RORA: variants seen among roughly 807,000 people sequenced by gnomAD.
RORA encodes the protein nuclear receptor ROR-alpha.
In RORA, 7 loss-of-function variants were observed where a neutral mutation model predicts 69.5. The ratio of observed to expected loss-of-function variants is 0.10; its 90% CI spans 0.06 to 0.19. The LOEUF (loss-of-function observed/expected upper bound fraction) is 0.19, where lower values mean the gene tolerates loss of function less well. RORA is among the 10% of genes least tolerant of loss of function. The pLI, the probability that RORA is intolerant of heterozygous loss-of-function variation, is 1.00. For missense variants in RORA, 457 were observed against 663.0 expected (o/e 0.69, Z 3.41); for synonymous variants, 261 against 240.8 (o/e 1.08, Z -0.78).
intron 1 of RORA, among the ~76,000 whole-genome samples, chr15:61,222,039 G>C (rs1391632071): frequency 6.6e-6 from 1 of 151,908 alleles, no homozygotes; most frequent in African/African-American, 2.4e-5. Flanking sequence ...TCTAGGCTAG[G>C]AGATTATAAA....
intron 1 of RORA, among the ~76,000 whole-genome samples, chr15:61,030,904 T>C (rs966484870): frequency 6.6e-6 from 1 of 152,178 alleles, no homozygotes; most frequent in African/African-American, 2.4e-5. Flanking sequence ...CACAAAACTA[T>C]GAAAGTCAGT....
intron 1 of RORA, among the ~76,000 whole-genome samples, chr15:60,846,745 T>A (rs1369363555): frequency 6.6e-6 from 1 of 152,224 alleles, no homozygotes; most frequent in Non-Finnish European, 1.5e-5. Flanking sequence ...CCAGCCCATC[T>A]CCTAAAAGCT....
intron 1 of RORA, among the ~76,000 whole-genome samples, chr15:60,863,862 A>G (rs1002988744): frequency 6.7e-6 from 1 of 149,970 alleles, no homozygotes; most frequent in African/African-American, 2.5e-5. Context: ...GCTGGAGTGC[A>G]GTGGCACCAT....
intron 1 of RORA, among the ~76,000 whole-genome samples, chr15:60,733,551 AAGAGGATATTCCCCATG>A (rs1310309077): frequency 1.3e-5 from 2 of 152,216 alleles, no homozygotes; most frequent in Admixed American, 1.3e-4. Context: ...TGGGGGATTA[AAGAGGATATTCCCCATG>A]AATAAGTACT....
At chr15:60,969,679 C>T (rs1432346329) in intron 1 of RORA, among the ~76,000 whole-genome samples, 1 of 152,194 alleles carries the variant, frequency 6.6e-6, no homozygotes, top group Non-Finnish European at 1.5e-5. Context: ...TCCCTCTCTA[C>T]ACACCAAGCT....
At chr15:61,091,409 C>A (rs187904762) in intron 1 of RORA, among the ~76,000 whole-genome samples, 44 of 152,274 alleles carry the variant, frequency 2.9e-4, no homozygotes, top group African/African-American at 9.1e-4. Flanking sequence ...CGTCCGTAAG[C>A]GCTGCTGTAC....
chr15:60,767,962 GC>G (rs1248661541), intron 1 of RORA, among the ~76,000 whole-genome samples: 1 of 152,180 alleles, frequency 6.6e-6, no homozygotes, highest in African/African-American at 2.4e-5. Flanking sequence ...ACACCACCAT[GC>G]CCAGCACAGA....
At chr15:60,732,756 C>T (rs574134438) in intron 1 of RORA, among the ~76,000 whole-genome samples, 1 of 152,186 alleles carries the variant, frequency 6.6e-6, no homozygotes, top group East Asian at 1.9e-4. Context: ...CATACCCTGA[C>T]ACGTGAACAG....
chr15:60,566,685 G>A (rs1240508455), intron 2 of RORA, among the ~76,000 whole-genome samples: 4 of 152,124 alleles, frequency 2.6e-5, no homozygotes, highest in South Asian at 2.1e-4. Flanking sequence ...TAGGGAATTC[G>A]GGAAGATTAT....
intron 2 of RORA, among the ~76,000 whole-genome samples, chr15:60,675,274 G>C (rs2070536376): frequency 6.6e-6 from 1 of 152,178 alleles, no homozygotes; most frequent in African/African-American, 2.4e-5. Context: ...GCAGGAAAGA[G>C]ACCAGAACAA....
intron 1 of RORA, among the ~76,000 whole-genome samples, chr15:60,746,926 A>G (rs533590752): frequency 6.6e-6 from 1 of 152,286 alleles, no homozygotes; most frequent in Non-Finnish European, 1.5e-5. Context: ...TCCATATCAA[A>G]TTACTCTGAA....
At position 61,132,787 on chromosome 15, in the gene RORA, G is replaced by A. The variant is rs2079202689; in HGVS notation, c.166+96266C>T. Among the ~76,000 whole-genome samples, 7 of 152,222 alleles carry A rather than the reference G, an allele frequency of 4.6e-5. No individual in the cohort carries two copies. The South Asian group carries it at 1.5e-3, about 32-fold the overall frequency. On this transcript the variant is annotated intron_variant, in intron 1 of 10. Coordinates refer to ENST00000335670, the MANE Select transcript of RORA (RefSeq NM_134261.3). The stretch of plus-strand genomic sequence containing the variant: ...AAGGTTAAACTATACTGCTGGCAGG[G>A]GAAACGCAGCCCATAAATTTGGTAC...
intron 1 of RORA, among the ~76,000 whole-genome samples, chr15:60,751,653 C>A (rs1392668735): frequency 6.6e-6 from 1 of 152,178 alleles, no homozygotes; most frequent in Non-Finnish European, 1.5e-5. Flanking sequence ...ACTCCAGCAC[C>A]TGCTTTCTTG....
intron 1 of RORA, among the ~76,000 whole-genome samples, chr15:61,081,113 C>A (rs192921402): frequency 6.6e-6 from 1 of 152,160 alleles, no homozygotes; most frequent in Admixed American, 6.5e-5. Flanking sequence ...TTCTGGTAAG[C>A]GCCATGGAGA....
At chr15:61,085,526 T>A (rs892123686) in intron 1 of RORA, among the ~76,000 whole-genome samples, 1 of 152,208 alleles carries the variant, frequency 6.6e-6, no homozygotes, top group African/African-American at 2.4e-5. Flanking sequence ...TTTAATTCAG[T>A]AGGTTGGGGC....
rs1170517869 is a variant in RORA, at chr15:60,866,847, T to TCTATCTATCTATCTATCTATCTAC, written c.167-188162_167-188161insGTAGATAGATAGATAGATAGATAG. 2.0e-5 allele frequency among the ~76,000 whole-genome samples: 3 copies of TCTATCTATCTATCTATCTATCTAC among 151,468 alleles called. No homozygotes were observed. The East Asian group carries it at 5.8e-4, about 29-fold the overall frequency. On this transcript the variant is annotated intron_variant, in intron 1 of 10. Coordinates refer to ENST00000335670, the MANE Select transcript of RORA (RefSeq NM_134261.3). ...ATCTATCTATCTATCTATCTATCTA[T>TCTATCTATCTATCTATCTATCTAC]CTATCTACCTACCTACCTATCTACC...
At chr15:60,594,195 G>GT (rs556148463) in intron 2 of RORA, among the ~76,000 whole-genome samples, 16 of 152,202 alleles carry the variant, frequency 1.1e-4, no homozygotes, top group Non-Finnish European at 2.1e-4. Flanking sequence ...GTGGACAAGA[G>GT]TTTCAAATGA....
intron 1 of RORA, among the ~76,000 whole-genome samples, chr15:60,920,150 G>T (rs1190794444): frequency 6.6e-6 from 1 of 152,166 alleles, no homozygotes; most frequent in Admixed American, 6.5e-5. Context: ...GGACTTGGAG[G>T]CAGAAAAGAA....
At chr15:60,503,884 C>G (rs971306717) in intron 6 of RORA, among the ~76,000 whole-genome samples, 2 of 152,132 alleles carry the variant, frequency 1.3e-5, no homozygotes, top group Non-Finnish European at 2.9e-5. Context: ...CTCACTGCAA[C>G]CTCTGCCTCC....
Sources: allele counts gnomAD v4.1 joint callset (sites outside exome capture counted in the v4.1 genomes callset), GRCh38; gene constraint gnomAD v4.1.1; transcripts MANE v1.5; gene names NCBI Gene and HGNC (gene_info 2026-07-23, HGNC 2026-07-21).